FOXP1: variants seen among roughly 807,000 people sequenced by gnomAD.
The protein encoded by FOXP1 is forkhead box P1.
A neutral mutation model predicts 98.2 loss-of-function variants in FOXP1; 15 were observed. The observed-to-expected ratio is 0.15, with a 90% CI of 0.10 to 0.24. The LOEUF (loss-of-function observed/expected upper bound fraction) is 0.24, where lower values mean the gene tolerates loss of function less well. FOXP1 is among the 10% of genes least tolerant of loss of function. FOXP1 has a pLI of 1.00. For synonymous variants in FOXP1, 371 were observed against 314.5 expected (o/e 1.18, Z -1.90); for missense variants, 633 against 848.5 (o/e 0.75, Z 3.15).
chr3:71,565,358 T>C (rs2046829410), intron 2 of FOXP1, among the ~76,000 whole-genome samples: 1 of 152,182 alleles, frequency 6.6e-6, no homozygotes, highest in Non-Finnish European at 1.5e-5. Context: ...ATTGTTAGGA[T>C]ATTTTATTTT....
chr3:71,369,075 G>T (rs1369305050), intron 3 of FOXP1, among the ~76,000 whole-genome samples: 1 of 151,986 alleles, frequency 6.6e-6, no homozygotes, highest in African/African-American at 2.4e-5. Context: ...GACCCCATGG[G>T]ACCATGTCTT....
intron 3 of FOXP1, among the ~76,000 whole-genome samples, chr3:71,360,147 T>G (rs957204425): frequency 6.6e-6 from 1 of 152,202 alleles, no homozygotes; most frequent in African/African-American, 2.4e-5. Flanking sequence ...TAATACATCC[T>G]GAGAAATAAG....
At chr3:71,388,147 T>C (rs140584668) in intron 3 of FOXP1, among the ~76,000 whole-genome samples, 2 of 152,336 alleles carry the variant, frequency 1.3e-5, no homozygotes, top group East Asian at 3.9e-4. Flanking sequence ...AATCTAATTC[T>C]CTGGCTTCCC....
At chr3:71,144,479 T>G (rs2060211463) in intron 6 of FOXP1, among the ~76,000 whole-genome samples, 1 of 152,116 alleles carries the variant, frequency 6.6e-6, no homozygotes, top group South Asian at 2.1e-4. Context: ...ACACCTGAGC[T>G]GTAAAGAAAG....
chr3:70,957,861 A>G lies in FOXP1; in HGVS notation c.*1386T>C, dbSNP rs1044018760. 4.3e-6 allele frequency: 1 copy of G among 234,582 alleles called. No individual in the cohort carries two copies. Among genetic ancestry groups the G allele is most frequent in the Non-Finnish European group, 8.4e-6 (1 of 118,710 alleles). 14.5% of individuals were successfully genotyped at this position (234,582 alleles called of 1,614,324 possible). On this transcript the variant is annotated 3_prime_UTR_variant, in exon 21 of 21. Transcript: ENST00000649528. ...GAACTCAGCCCTCGTTAACTCCCTT[A>G]ACAAGTTCAATCTGAAATCGAATTT...
At position 71,041,259 on chromosome 3, in the gene FOXP1, C is replaced by G. The variant is rs888270103; in HGVS notation, c.869+69G>C. 2.6e-5 allele frequency: 32 copies of G among 1,252,650 alleles called. No homozygotes were observed. In the Admixed American group the frequency reaches 3.2e-4, roughly 13 times the overall value. The allele number at this position is 1,252,650 out of a possible 1,614,324, so 77.6% of individuals were successfully genotyped here. On this transcript the variant is annotated intron_variant, in intron 11 of 20. Coordinates refer to ENST00000649528, the MANE Select transcript of FOXP1 (RefSeq NM_001349338.3). ...CCAATTAGGGATCACTGAGATATGA[C>G]GAGGCAGGGCCACCCACCCCTCTCA...
intron 5 of FOXP1, among the ~76,000 whole-genome samples, chr3:71,249,167 A>G (rs985783556): frequency 2.6e-5 from 4 of 152,236 alleles, no homozygotes; most frequent in African/African-American, 9.6e-5. Context: ...GAAACAATAT[A>G]GTAAGAATAT....
chr3:71,436,896 G>T (rs150383740), intron 3 of FOXP1, among the ~76,000 whole-genome samples: 1 of 152,088 alleles, frequency 6.6e-6, no homozygotes, highest in Non-Finnish European at 1.5e-5. Context: ...CCCCATGACC[G>T]ATCAAAGCAA....
intron 5 of FOXP1, among the ~76,000 whole-genome samples, chr3:71,281,241 T>TA (rs34268092): frequency 2.0e-4 from 26 of 128,642 alleles, no homozygotes; most frequent in African/African-American, 6.2e-4. Flanking sequence ...ATAAAAATTT[T>TA]AAAAAAAAAA....
intron 7 of FOXP1, among the ~76,000 whole-genome samples, chr3:71,076,815 C>G (rs1485009341): frequency 6.6e-6 from 1 of 152,214 alleles, no homozygotes; most frequent in African/African-American, 2.4e-5. Flanking sequence ...TCAGCTGGGT[C>G]AAACACACAT....
intron 6 of FOXP1, among the ~76,000 whole-genome samples, chr3:71,162,359 A>G (rs1015848590): frequency 1.3e-5 from 2 of 152,180 alleles, no homozygotes; most frequent in African/African-American, 4.8e-5. Context: ...ATTCTGATTA[A>G]CCACTGCTTC....
intron 17 of FOXP1, among the ~76,000 whole-genome samples, chr3:70,976,263 A>G (rs181390305): frequency 5.5e-4 from 83 of 151,834 alleles, no homozygotes; most frequent in Middle Eastern, 6.8e-3. Flanking sequence ...TACGTTGCCC[A>G]GGCTGGTCTC....
At chr3:71,580,715 T>G in intron 2 of FOXP1, 1 of 914,230 alleles carries the variant, frequency 1.1e-6, no homozygotes, top group Non-Finnish European at 1.3e-6. Context: ...TTTGCAGCGA[T>G]TCTTCAATAT....
chr3:71,260,910 A>G (rs896694057), intron 5 of FOXP1, among the ~76,000 whole-genome samples: 4 of 152,160 alleles, frequency 2.6e-5, no homozygotes, highest in African/African-American at 9.7e-5. Context: ...TGGATTTTAA[A>G]AAAAGTCTAC....
chr3:71,497,726 A>AC, intron 2 of FOXP1, among the ~76,000 whole-genome samples: 1 of 152,060 alleles, frequency 6.6e-6, no homozygotes, highest in Non-Finnish European at 1.5e-5. Context: ...TATTCAGTGA[A>AC]CCCCCAGGGG....
chr3:71,346,811 C>T (rs2077392782), intron 4 of FOXP1, among the ~76,000 whole-genome samples: 1 of 151,946 alleles, frequency 6.6e-6, no homozygotes, highest in African/African-American at 2.4e-5. Flanking sequence ...TTAATGAGGC[C>T]GAGGCGGGTG....
intron 3 of FOXP1, among the ~76,000 whole-genome samples, chr3:71,419,103 G>C (rs1324746291): frequency 6.6e-6 from 1 of 151,710 alleles, no homozygotes; most frequent in Non-Finnish European, 1.5e-5. Context: ...AGGTATGGTG[G>C]TAGGCACCTG....
At chr3:71,456,351 C>A (rs2087499945) in intron 3 of FOXP1, among the ~76,000 whole-genome samples, 1 of 152,132 alleles carries the variant, frequency 6.6e-6, no homozygotes. Context: ...TTCAATATTG[C>A]AGAAGCAAAG....
At chr3:71,309,295 A>G (rs1313722552) in intron 4 of FOXP1, among the ~76,000 whole-genome samples, 3 of 152,226 alleles carry the variant, frequency 2.0e-5, no homozygotes, top group Non-Finnish European at 4.4e-5. Flanking sequence ...GCGCTAAGAA[A>G]AAAGAAAAGC....
Sources: allele counts gnomAD v4.1 joint callset (sites outside exome capture counted in the v4.1 genomes callset), GRCh38; gene constraint gnomAD v4.1.1; transcripts MANE v1.5; gene names NCBI Gene and HGNC (gene_info 2026-07-23, HGNC 2026-07-21).